Variants in BCR observed in about 807,000 individuals in gnomAD.
The protein encoded by BCR is BCR activator of RhoGEF and GTPase.
BCR carries 58 observed loss-of-function variants against 138.6 expected under a neutral mutation model. The observed-to-expected ratio is 0.42, with a 90% CI of 0.34 to 0.52. BCR has a LOEUF of 0.52. Among genes scored for constraint, BCR ranks in the 20% least tolerant of loss-of-function variants. The probability of loss-of-function intolerance (pLI) is 0.06; values close to 1 mark genes in which losing one functional copy is unlikely to be tolerated. For synonymous variants in BCR, 786 were observed against 730.1 expected (o/e 1.08, Z -1.23); for missense variants, 1,599 against 1,727.2 (o/e 0.93, Z 1.32).
At chr22:23,185,218 T>C (rs1327246364) in intron 1 of BCR, among the ~76,000 whole-genome samples, 1 of 152,146 alleles carries the variant, frequency 6.6e-6, no homozygotes, top group Non-Finnish European at 1.5e-5. Context: ...AGCTGTTCCG[T>C]TTGGCACGTG....
At chr22:23,299,088 C>T (rs540076783) in intron 16 of BCR, among the ~76,000 whole-genome samples, 3 of 152,332 alleles carry the variant, frequency 2.0e-5, no homozygotes, top group Admixed American at 6.5e-5. Flanking sequence ...GCTCCGCCTC[C>T]TGGGTTCACG....
At chr22:23,260,752 C>T (rs879757242) in intron 2 of BCR, 198 bp from the exon 3 acceptor site, 7 of 563,798 alleles carry the variant, frequency 1.2e-5, no homozygotes, top group South Asian at 1.9e-5. Context: ...CCCCCCTCCC[C>T]GGGATTCTCA....
At position 23,181,593 on chromosome 22, in the gene BCR, G is replaced by A. The variant is rs749441365; in HGVS notation, c.633G>A (p.Glu211=). Residue 211 remains glutamate, a synonymous_variant, in exon 1 of 23, where the codon GAG becomes GAA. Transcript: ENST00000305877. ...SSLGSQAMQM[E]RKKSQHGAGS... ...TGGGCAGCCAGGCCATGCAGATGGAGCGCAAAAAGTCCCAGCACGGCGCGG... is the reference window on the plus strand; with the variant it reads ...TGGGCAGCCAGGCCATGCAGATGGAACGCAAAAAGTCCCAGCACGGCGCGG... 4 of 1,612,652 alleles carry A rather than the reference G, an allele frequency of 2.5e-6. No individual in the cohort carries two copies. The South Asian group carries it at 3.3e-5, about 13-fold the overall frequency.
chr22:23,226,608 C>G (rs2072897371), intron 1 of BCR, among the ~76,000 whole-genome samples: 1 of 152,184 alleles, frequency 6.6e-6, no homozygotes, highest in Admixed American at 6.5e-5. Flanking sequence ...TTAGTCCTGT[C>G]TGCTGCCTGT....
At chr22:23,283,799 A>C in intron 8 of BCR, 178 bp from the exon 9 acceptor site, 3 of 753,258 alleles carry the variant, frequency 4.0e-6, no homozygotes, top group Non-Finnish European at 6.1e-6. Flanking sequence ...TTAGCAGGAC[A>C]GTGAGATGAA....
At chr22:23,209,013 T>C (rs2072649394) in intron 1 of BCR, among the ~76,000 whole-genome samples, 1 of 152,204 alleles carries the variant, frequency 6.6e-6, no homozygotes, top group South Asian at 2.1e-4. Context: ...CTGGCTTATT[T>C]CACGTAACGT....
Position 23,254,728 on chromosome 22 carries a change from G to T in BCR, c.1461+748G>T, listed in dbSNP as rs554352291. Among the ~76,000 whole-genome samples, 3 of 152,350 alleles carry T rather than the reference G, an allele frequency of 2.0e-5. No homozygotes were observed. In the East Asian group the frequency reaches 5.8e-4, roughly 29 times the overall value. On this transcript the variant is annotated intron_variant, in intron 2 of 22. Transcript: ENST00000305877. The stretch of plus-strand genomic sequence containing the variant: ...CCCAGATGCTCACCCCTTGCCATTG[G>T]TGCATGTCCCCCCACTTGACCTCTT...
intron 1 of BCR, among the ~76,000 whole-genome samples, chr22:23,205,964 C>T (rs2072607719): frequency 6.6e-6 from 1 of 152,206 alleles, no homozygotes; most frequent in African/African-American, 2.4e-5. Context: ...GGGCGTCTCA[C>T]ATCTGTGCTC....
At chr22:23,314,200 C>A in intron 21 of BCR, 127 bp downstream of exon 21, 1 of 765,262 alleles carries the variant, frequency 1.3e-6, no homozygotes, top group Non-Finnish European at 2.2e-6. Context: ...TCACTCACTG[C>A]CTTTGGCGAC....
At chr22:23,240,997 G>A (rs780896891) in intron 1 of BCR, among the ~76,000 whole-genome samples, 3 of 152,230 alleles carry the variant, frequency 2.0e-5, no homozygotes, top group African/African-American at 7.2e-5. Context: ...CTCAGTCAGC[G>A]TGTGTCAGAG....
At chr22:23,295,230 A>G (rs769142611) in intron 16 of BCR, 75 bp downstream of exon 16, 1 of 624,812 alleles carries the variant, frequency 1.6e-6, no homozygotes, top group Non-Finnish European at 2.8e-6. Flanking sequence ...GGACACTGAG[A>G]TGGTCATGGC....
At chr22:23,281,612 A>G (rs2073646221) in intron 8 of BCR, among the ~76,000 whole-genome samples, 2 of 149,728 alleles carry the variant, frequency 1.3e-5, no homozygotes, top group African/African-American at 5.0e-5. Context: ...GCGGGGCCTG[A>G]GATGCTGTGA....
At chr22:23,203,692 A>G (rs2267013) in intron 1 of BCR, among the ~76,000 whole-genome samples, 19,118 of 152,158 alleles carry the variant, frequency 0.13, 1,330 homozygotes, top group East Asian at 0.25. Context: ...GGTTCTTGGT[A>G]GGGAAAGAAC....
At chr22:23,224,293 A>C (rs2072863228) in intron 1 of BCR, among the ~76,000 whole-genome samples, 1 of 152,042 alleles carries the variant, frequency 6.6e-6, no homozygotes, top group African/African-American at 2.4e-5. Flanking sequence ...CTGTAGGGGG[A>C]GGACCGAGGT....
intron 1 of BCR, among the ~76,000 whole-genome samples, chr22:23,193,472 C>A (rs181004616): frequency 6.6e-6 from 1 of 152,250 alleles, no homozygotes; most frequent in Non-Finnish European, 1.5e-5. Flanking sequence ...GATTGAACAT[C>A]ACTTAGCAAA....
intron 1 of BCR, chr22:23,198,422 A>G (rs4822371): frequency 0.77 from 332,241 of 428,824 alleles, 129,598 homozygotes; most frequent in East Asian, 0.99. Context: ...AAGGTTGGTG[A>G]CCCCCAAAGA....
chr22:23,200,545 A>G (rs1306372951), intron 1 of BCR, among the ~76,000 whole-genome samples: 1 of 151,278 alleles, frequency 6.6e-6, no homozygotes. Flanking sequence ...GAGGACTTTA[A>G]CTTTTTTTTA....
intron 7 of BCR, 41 bp downstream of exon 7, chr22:23,273,174 C>T: frequency 6.3e-7 from 1 of 1,595,006 alleles, no homozygotes; most frequent in East Asian, 2.2e-5. Flanking sequence ...CAAAACTGCC[C>T]CCTCGGGCAC....
At chr22:23,251,275 G>A (rs1347700516) in intron 1 of BCR, 1 of 152,298 alleles carries the variant, frequency 6.6e-6, no homozygotes, top group African/African-American at 2.4e-5. Context: ...CCGGGTTGGG[G>A]TCGCTCAGCA....
Sources: allele counts gnomAD v4.1 joint callset (sites outside exome capture counted in the v4.1 genomes callset), GRCh38; gene constraint gnomAD v4.1.1; transcripts MANE v1.5; gene names NCBI Gene and HGNC (gene_info 2026-07-23, HGNC 2026-07-21).